The following AHR variants were observed in gnomAD, a reference collection of about 807,000 sequenced individuals.
AHR encodes the protein aryl hydrocarbon receptor, also known as AH-receptor.
AHR carries 40 observed loss-of-function variants against 86.8 expected under a neutral mutation model. The ratio of observed to expected loss-of-function variants is 0.46; its 90% CI spans 0.36 to 0.60. The LOEUF (loss-of-function observed/expected upper bound fraction) is 0.60. Among genes scored for constraint, AHR ranks in the 20% least tolerant of loss-of-function variants. The pLI is 0.00. For missense variants in AHR, 1,001 were observed against 1,011.6 expected (o/e 0.99, Z 0.14); for synonymous variants, 398 against 354.9 (o/e 1.12, Z -1.37).
In AHR at chr7:17,299,068, G is replaced by A. The variant is rs1781923924; in HGVS notation, c.-197G>A. 7.2e-6 allele frequency: 4 copies of A among 559,422 alleles called. No homozygotes were observed. In the South Asian group the frequency reaches 7.9e-5, roughly 11 times the overall value. 34.7% of individuals were successfully genotyped at this position (559,422 alleles called of 1,614,324 possible). A position where few individuals can be genotyped will look rare whatever the true frequency, so the allele number is the denominator to read the frequency against. ...AGGCCCAGGCAGCTCACCTGTACTGGCGCGGGCTGCGGAAGCCTGCGTGAG... is the reference window on the plus strand; with the variant it reads ...AGGCCCAGGCAGCTCACCTGTACTGACGCGGGCTGCGGAAGCCTGCGTGAG... On this transcript the variant is annotated 5_prime_UTR_variant, in exon 1 of 11. Transcript: ENST00000242057.
chr7:17,329,370 A>G (rs898210965), intron 4 of AHR, among the ~76,000 whole-genome samples: 2 of 151,920 alleles, frequency 1.3e-5, no homozygotes, highest in African/African-American at 4.8e-5. Context: ...CATAACTTGC[A>G]GTTAAAAAAA....
intron 1 of AHR, among the ~76,000 whole-genome samples, chr7:17,302,174 C>G (rs1479220107): frequency 2.0e-5 from 3 of 151,726 alleles, no homozygotes; most frequent in Non-Finnish European, 1.5e-5. Flanking sequence ...AGAAAGTTAG[C>G]ACTGAATGTT....
At chr7:17,304,330 G>T (rs1164306465) in intron 1 of AHR, among the ~76,000 whole-genome samples, 1 of 152,022 alleles carries the variant, frequency 6.6e-6, no homozygotes, top group Non-Finnish European at 1.5e-5. Flanking sequence ...CATTAGTGTT[G>T]TATTATTTTT....
chr7:17,332,462 A>T (rs1480994136), intron 6 of AHR, among the ~76,000 whole-genome samples: 3 of 151,880 alleles, frequency 2.0e-5, no homozygotes, highest in African/African-American at 7.2e-5. Flanking sequence ...GTGGGACAAG[A>T]TGTAGAGGTG....
Position 17,299,197 on chromosome 7 carries a change from C to A in AHR, c.-68C>A. 1.9e-6 allele frequency: 3 copies of A among 1,556,294 alleles called. No homozygotes were observed. ...GCGCCGGCCGCCGCAGTGGTCCCAG[C>A]CTACACCGGGTTCCGGGGACCCGGC... On this transcript the variant is annotated 5_prime_UTR_variant, in exon 1 of 11. Transcript: ENST00000242057.
chr7:17,340,208 C>T lies in AHR; in HGVS notation c.2383C>T (p.Gln795Ter). The change falls in exon 10 of 11, where the codon CAA becomes TAA. Residue 795 changes from glutamine to a stop codon, truncating the protein, a stop_gained. Coordinates refer to ENST00000242057, the MANE Select transcript of AHR (RefSeq NM_001621.5). LOFTEE classifies it low-confidence loss of function (END_TRUNC). ...QMQYNPVLPG[Q>*]QAFLNKFQNG... ...GCAGTACAATCCAGTACTGCCAGGC[C>T]AACAGGCATTTTTAAACAAGGTAAG... The T allele has an allele frequency of 6.2e-7, 1 of 1,607,810 alleles. No individual in the cohort carries two copies. The highest frequency in any genetic ancestry group is 8.5e-7 in the Non-Finnish European group (1 of 1,176,288).
chr7:17,335,941 G>A, intron 9 of AHR, 155 bp downstream of exon 9: 2 of 721,362 alleles, frequency 2.8e-6, no homozygotes, highest in Non-Finnish European at 4.4e-6. Context: ...GAGACATTGA[G>A]AAGATAGAAT....
chr7:17,318,175 A>C (rs1782135140), intron 2 of AHR, among the ~76,000 whole-genome samples: 1 of 152,164 alleles, frequency 6.6e-6, no homozygotes, highest in South Asian at 2.1e-4. Flanking sequence ...CTATAGTAAC[A>C]AAATACAAAA....
chr7:17,303,690 T>C (rs1781976759), intron 1 of AHR, among the ~76,000 whole-genome samples: 1 of 152,096 alleles, frequency 6.6e-6, no homozygotes, highest in Non-Finnish European at 1.5e-5. Context: ...TTTAATACTT[T>C]AATATTTCAG....
intron 1 of AHR, among the ~76,000 whole-genome samples, chr7:17,305,593 C>T (rs1419730805): frequency 1.3e-5 from 2 of 152,038 alleles, no homozygotes; most frequent in Non-Finnish European, 2.9e-5. Context: ...GGTAAGTAGA[C>T]CAACGCAGTA....
rs1016207941 is a variant in AHR, at chr7:17,332,835, G to C, written c.706-1077G>C. Reference sequence around the variant, plus strand: ...GTTTATAAACTCTATAGTAGTGTACGGTAATGTCTCAGGCCTTCACATTCA... The same window carrying C: ...GTTTATAAACTCTATAGTAGTGTACCGTAATGTCTCAGGCCTTCACATTCA... On this transcript the variant is annotated intron_variant, in intron 6 of 10. Coordinates refer to ENST00000242057, the MANE Select transcript of AHR (RefSeq NM_001621.5). 3.3e-5 allele frequency among the ~76,000 whole-genome samples: 5 copies of C among 151,794 alleles called. No individual in the cohort carries two copies. The South Asian group carries it at 1.0e-3, about 31-fold the overall frequency.
At chr7:17,338,425 G>A (rs1782379586) in intron 9 of AHR, among the ~76,000 whole-genome samples, 1 of 152,000 alleles carries the variant, frequency 6.6e-6, no homozygotes, top group South Asian at 2.1e-4. Flanking sequence ...GCACAAATGT[G>A]GCTCACTGAA....
Position 17,343,246 on chromosome 7 carries a change from A to G in AHR, c.*182A>G, listed in dbSNP as rs890937935. On this transcript the variant is annotated 3_prime_UTR_variant, in exon 11 of 11. Coordinates refer to ENST00000242057, the MANE Select transcript of AHR (RefSeq NM_001621.5). The stretch of plus-strand genomic sequence containing the variant: ...TTAGAAAAGGGAGTTTAAAAATGGT[A>G]TCAAAATTACATATACTACAGTCAA... The G allele has an allele frequency of 1.1e-5, 8 of 710,216 alleles. No individual in the cohort carries two copies. The highest frequency in any genetic ancestry group is 1.1e-4 in the African/African-American group (6 of 55,670). 44.0% of individuals were successfully genotyped at this position (710,216 alleles called of 1,614,324 possible). A position where few individuals can be genotyped will look rare whatever the true frequency, so the allele number is the denominator to read the frequency against.
chr7:17,342,616 T>TGACC (rs1782437952), intron 10 of AHR, among the ~76,000 whole-genome samples: 1 of 152,174 alleles, frequency 6.6e-6, no homozygotes, highest in Non-Finnish European at 1.5e-5. Context: ...TTGTGCTGTT[T>TGACC]GACCCATCAA....
At chr7:17,304,512 C>T (rs1011639543) in intron 1 of AHR, among the ~76,000 whole-genome samples, 1 of 151,988 alleles carries the variant, frequency 6.6e-6, no homozygotes, top group Non-Finnish European at 1.5e-5. Flanking sequence ...TCCTGCTTTT[C>T]TTGTTTTGGT....
intron 7 of AHR, 54 bp from the exon 8 acceptor site, chr7:17,334,828 TATTTC>T (rs1405708831): frequency 1.1e-5 from 13 of 1,206,226 alleles, no homozygotes; most frequent in Non-Finnish European, 1.3e-5. Flanking sequence ...TTATCTTGGT[TATTTC>T]ATTTATGTTA....
chr7:17,339,017 C>T lies in AHR; in HGVS notation c.1192C>T (p.Arg398Ter), dbSNP rs61730147. 3.7e-6 allele frequency: 6 copies of T among 1,613,668 alleles called. No individual in the cohort carries two copies. Among genetic ancestry groups the T allele is most frequent in the Admixed American group, 1.7e-5 (1 of 59,954 alleles). Residue 398 changes from arginine to a stop codon, truncating the protein, a stop_gained, in exon 10 of 11, where the codon CGA becomes TGA. Coordinates refer to ENST00000242057, the MANE Select transcript of AHR (RefSeq NM_001621.5). LOFTEE classifies it high-confidence loss of function. ...GGAAGGAACAGAGCATTTACGAAAA[C>T]GAAATACGAAGTTGCCTTTTATGTT... ...DEEGTEHLRKRNTKLPFMFTT... is the reference protein window; with the variant it reads ...DEEGTEHLRK
intron 9 of AHR, among the ~76,000 whole-genome samples, chr7:17,337,987 CAGG>C (rs1782372790): frequency 6.6e-6 from 1 of 150,826 alleles, no homozygotes; most frequent in Non-Finnish European, 1.5e-5. Context: ...ATCACGAGGT[CAGG>C]AGATCGAGAC....
At position 17,339,329 on chromosome 7, in the gene AHR, C is replaced by T. The variant is rs1159760145; in HGVS notation, c.1504C>T (p.Pro502Ser). Residue 502 changes from proline (P) to serine (S), a missense_variant, in exon 10 of 11, where the codon CCG (proline) becomes TCG (serine). Coordinates refer to ENST00000242057, the MANE Select transcript of AHR (RefSeq NM_001621.5). The stretch of plus-strand genomic sequence containing the variant: ...CAGAAATTGGCAAGATAATACTGCA[C>T]CGATGGGAAATGATACTATCCTGAA... Reference protein sequence around the residue: ...ECRNWQDNTAPMGNDTILKHE... With the variant: ...ECRNWQDNTASMGNDTILKHE... The T allele has an allele frequency of 6.2e-7, 1 of 1,613,992 alleles. No homozygotes were observed. Among genetic ancestry groups the T allele is most frequent in the Non-Finnish European group, 8.5e-7 (1 of 1,180,024 alleles).
Sources: gnomAD v4.1 joint callset for allele counts (sites outside exome capture counted in the v4.1 genomes callset) on GRCh38, gnomAD v4.1.1 for gene constraint, MANE v1.5 for transcripts, NCBI Gene and HGNC (gene_info 2026-07-23, HGNC 2026-07-21) for gene names.